Variants in BICD1 observed in about 807,000 individuals in gnomAD.
The protein encoded by BICD1 is BICD cargo adaptor 1, also known as protein bicaudal D homolog 1.
A neutral mutation model predicts 92.5 loss-of-function variants in BICD1; 35 were observed. The ratio of observed to expected loss-of-function variants is 0.38; its 90% CI spans 0.29 to 0.50. The LOEUF (loss-of-function observed/expected upper bound fraction) is 0.50, where lower values mean the gene tolerates loss of function less well. BICD1 is among the 20% of genes least tolerant of loss of function. The pLI is 0.93. For synonymous variants in BICD1, 429 were observed against 465.1 expected, an observed-to-expected ratio of 0.92 and a Z score of 1.00; for missense variants, 950 against 1,189.8, an observed-to-expected ratio of 0.80 and a Z score of 2.97.
At chr12:32,205,284 G>A (rs1945016346) in intron 1 of BICD1, among the ~76,000 whole-genome samples, 1 of 152,016 alleles carries the variant, frequency 6.6e-6, no homozygotes, top group South Asian at 2.1e-4. Context: ...GAATATTTGG[G>A]AATCTCTTTC....
At chr12:32,356,488 C>CA (rs60935998) in intron 8 of BICD1, among the ~76,000 whole-genome samples, 10,689 of 151,908 alleles carry the variant, frequency 0.07, 1,218 homozygotes, top group African/African-American at 0.24. Context: ...CCTGTCTCTA[C>CA]AAAAGTTTTA....
chr12:32,348,721 AAAATATATATATATAT>A (rs1244491021), intron 8 of BICD1, among the ~76,000 whole-genome samples: 2 of 116,434 alleles, frequency 1.7e-5, no homozygotes, highest in Admixed American at 1.1e-4. Context: ...AGCTCACACA[AAAATATATATATATAT>A]ATATATATAT....
At chr12:32,132,579 T>C (rs1170475536) in intron 1 of BICD1, among the ~76,000 whole-genome samples, 1 of 152,106 alleles carries the variant, frequency 6.6e-6, no homozygotes, top group East Asian at 1.9e-4. Context: ...GTCACTGTCA[T>C]TACAAAAACA....
chr12:32,143,257 G>A (rs908266679), intron 1 of BICD1, among the ~76,000 whole-genome samples: 32 of 151,956 alleles, frequency 2.1e-4, no homozygotes, highest in African/African-American at 6.8e-4. Context: ...CATAAGCACC[G>A]CACAATCTCC....
chr12:32,321,753 C>T (rs1342830260), intron 4 of BICD1, among the ~76,000 whole-genome samples: 1 of 152,086 alleles, frequency 6.6e-6, no homozygotes, highest in African/African-American at 2.4e-5. Flanking sequence ...AATCCCAGCA[C>T]TTTTGGAGGC....
intron 2 of BICD1, among the ~76,000 whole-genome samples, chr12:32,235,479 T>C (rs77060845): frequency 2.6e-5 from 4 of 152,094 alleles, no homozygotes; most frequent in African/African-American, 7.2e-5. Context: ...TATTTTTTTT[T>C]CCTAGTTGCC....
intron 2 of BICD1, among the ~76,000 whole-genome samples, chr12:32,225,111 C>T (rs552269782): frequency 6.6e-6 from 1 of 152,264 alleles, no homozygotes; most frequent in East Asian, 1.9e-4. Context: ...TAGTCAGAGC[C>T]ACTCCCACCT....
intron 9 of BICD1, among the ~76,000 whole-genome samples, chr12:32,372,273 A>C (rs1939769120): frequency 6.6e-6 from 1 of 152,174 alleles, no homozygotes; most frequent in African/African-American, 2.4e-5. Context: ...TGAGGTCAGG[A>C]GTTCGAGACC....
chr12:32,333,725 T>C (rs1937982599), intron 5 of BICD1, among the ~76,000 whole-genome samples: 1 of 152,252 alleles, frequency 6.6e-6, no homozygotes, highest in South Asian at 2.1e-4. Context: ...ACACTGATTT[T>C]ATGCATTGAT....
At chr12:32,314,947 A>C (rs1341875773) in intron 4 of BICD1, among the ~76,000 whole-genome samples, 14 of 152,086 alleles carry the variant, frequency 9.2e-5, no homozygotes, top group Admixed American at 7.9e-4. Flanking sequence ...TGCCCAGCTA[A>C]AAAAACTTTT....
At chr12:32,284,227 C>G (rs759351744) in intron 2 of BICD1, among the ~76,000 whole-genome samples, 1 of 152,206 alleles carries the variant, frequency 6.6e-6, no homozygotes, top group Non-Finnish European at 1.5e-5. Context: ...AAGGCCTGTT[C>G]CCACACCCCT....
intron 2 of BICD1, among the ~76,000 whole-genome samples, chr12:32,255,486 T>G (rs994641248): frequency 1.7e-4 from 26 of 152,214 alleles, no homozygotes; most frequent in African/African-American, 5.1e-4. Flanking sequence ...CCTTTAAAAA[T>G]GCTCATTTAT....
At chr12:32,142,801 C>T (rs1942987910) in intron 1 of BICD1, among the ~76,000 whole-genome samples, 2 of 152,182 alleles carry the variant, frequency 1.3e-5, no homozygotes, top group Non-Finnish European at 2.9e-5. Flanking sequence ...CTTTATCTGT[C>T]AGGGACTTTT....
At chr12:32,359,522 A>T (rs1168821538) in intron 8 of BICD1, among the ~76,000 whole-genome samples, 2 of 46,802 alleles carry the variant, frequency 4.3e-5, no homozygotes, top group Non-Finnish European at 1.2e-4. Flanking sequence ...CCATGAATCC[A>T]TTAACCCATG....
chr12:32,325,717 T>G (rs1948759519), intron 4 of BICD1, among the ~76,000 whole-genome samples: 1 of 152,096 alleles, frequency 6.6e-6, no homozygotes, highest in Admixed American at 6.6e-5. Flanking sequence ...TATAATAATT[T>G]TACTTGCCAC....
intron 2 of BICD1, among the ~76,000 whole-genome samples, chr12:32,224,547 G>C (rs960780988): frequency 1.3e-5 from 2 of 152,180 alleles, no homozygotes; most frequent in African/African-American, 4.8e-5. Flanking sequence ...TGGGAATTTG[G>C]AAGCAAAGTC....
intron 2 of BICD1, among the ~76,000 whole-genome samples, chr12:32,218,972 T>A (rs1319675779): frequency 1.3e-5 from 2 of 152,210 alleles, no homozygotes; most frequent in Non-Finnish European, 2.9e-5. Flanking sequence ...TACACACTTT[T>A]AATGGTTGGT....
intron 1 of BICD1, among the ~76,000 whole-genome samples, chr12:32,170,901 G>A (rs924270945): frequency 3.3e-5 from 5 of 152,148 alleles, no homozygotes; most frequent in South Asian, 2.1e-4. Context: ...CACTACTGCC[G>A]AGGACGAGAA....
At chr12:32,248,112 C>G (rs1946437407) in intron 2 of BICD1, among the ~76,000 whole-genome samples, 1 of 151,996 alleles carries the variant, frequency 6.6e-6, no homozygotes, top group Non-Finnish European at 1.5e-5. Context: ...AAACAAAAAC[C>G]CAAGAAGACC....
Sources: gnomAD v4.1 joint callset for allele counts (sites outside exome capture counted in the v4.1 genomes callset) on GRCh38, gnomAD v4.1.1 for gene constraint, MANE v1.5 for transcripts, NCBI Gene and HGNC (gene_info 2026-07-23, HGNC 2026-07-21) for gene names.